Variants in MORN1 observed in about 807,000 individuals in gnomAD.
MORN1 encodes MORN repeat containing 1, also known as MORN repeat-containing protein 1.
A neutral mutation model predicts 61.9 loss-of-function variants in MORN1; 67 were observed. That is an observed-to-expected ratio of 1.08 (90% CI 0.89 to 1.33). The LOEUF (loss-of-function observed/expected upper bound fraction) is 1.33, where lower values mean the gene tolerates loss of function less well. Among genes scored for constraint, MORN1 ranks in the 40% most tolerant of loss-of-function variants. MORN1 has a pLI of 0.00. For synonymous variants in MORN1, 301 were observed against 292.0 expected (o/e 1.03, Z -0.31); for missense variants, 752 against 691.2 (o/e 1.09, Z -0.99).
At chr1:2,390,322 G>T in intron 1 of MORN1, 1 of 743,944 alleles carries the variant, frequency 1.3e-6, no homozygotes, top group South Asian at 6.0e-5. Flanking sequence ...CAGGTTGGGA[G>T]CCTTGTTGCA....
intron 8 of MORN1, among the ~76,000 whole-genome samples, chr1:2,368,770 G>A (rs1468926586): frequency 1.3e-5 from 2 of 152,102 alleles, no homozygotes; most frequent in East Asian, 3.9e-4. Context: ...ACATCCAAAA[G>A]ACAGACAGGC....
intron 10 of MORN1, among the ~76,000 whole-genome samples, chr1:2,340,217 T>C (rs1428124066): frequency 1.3e-5 from 2 of 152,066 alleles, no homozygotes; most frequent in Non-Finnish European, 2.9e-5. Flanking sequence ...CCTCTTTGGG[T>C]GGTCACCTCG....
At chr1:2,332,914 G>A (rs554434391) in intron 12 of MORN1, among the ~76,000 whole-genome samples, 6 of 152,262 alleles carry the variant, frequency 3.9e-5, no homozygotes, top group South Asian at 2.1e-4. Flanking sequence ...CTGGGGCTCC[G>A]TGACCTCCAT....
chr1:2,362,690 G>A (rs1048187485), intron 8 of MORN1, among the ~76,000 whole-genome samples: 4 of 152,106 alleles, frequency 2.6e-5, no homozygotes, highest in Non-Finnish European at 2.9e-5. Flanking sequence ...GCCAAACCCT[G>A]TCTCTACTAA....
chr1:2,331,907 GCCTCTCCC>G (rs1641162027), intron 12 of MORN1, among the ~76,000 whole-genome samples: 1 of 115,756 alleles, frequency 8.6e-6, no homozygotes, highest in Non-Finnish European at 1.7e-5. Flanking sequence ...TCCCTCGTGC[GCCTCTCCC>G]GCCCCTGCGC....
intron 8 of MORN1, among the ~76,000 whole-genome samples, chr1:2,365,036 T>A (rs982691641): frequency 5.9e-5 from 9 of 152,316 alleles, no homozygotes; most frequent in Admixed American, 4.6e-4. Context: ...ATTGACTTGG[T>A]GATGCAGGCT....
At chr1:2,364,909 C>T (rs1373304931) in intron 8 of MORN1, among the ~76,000 whole-genome samples, 1 of 152,104 alleles carries the variant, frequency 6.6e-6, no homozygotes, top group African/African-American at 2.4e-5. Context: ...TGCTCTGTTC[C>T]ATTGATCTAT....
chr1:2,329,389 C>T (rs895623691), intron 12 of MORN1, among the ~76,000 whole-genome samples: 4 of 152,346 alleles, frequency 2.6e-5, no homozygotes, highest in African/African-American at 7.2e-5. Flanking sequence ...TGAACTCCCA[C>T]CTGGAGGCGC....
chr1:2,389,140 C>T (rs1196508941), intron 2 of MORN1, among the ~76,000 whole-genome samples: 2 of 139,072 alleles, frequency 1.4e-5, no homozygotes, highest in African/African-American at 5.1e-5. Flanking sequence ...AAAAAAGAAA[C>T]AAAACTGGCA....
At chr1:2,369,475 G>C (rs1399506267) in intron 8 of MORN1, among the ~76,000 whole-genome samples, 8 of 151,686 alleles carry the variant, frequency 5.3e-5, no homozygotes, top group Admixed American at 5.3e-4. Flanking sequence ...TTCATGTTCA[G>C]ACTGAAAAGG....
chr1:2,387,641 C>T (rs1181401719), intron 3 of MORN1, 112 bp from the exon 4 acceptor site: 11 of 740,380 alleles, frequency 1.5e-5, no homozygotes, highest in East Asian at 2.6e-5. Context: ...CCAGAATGGA[C>T]GTCCCTGCCT....
At chr1:2,341,468 G>A (rs977370104) in intron 10 of MORN1, among the ~76,000 whole-genome samples, 9 of 152,248 alleles carry the variant, frequency 5.9e-5, no homozygotes, top group Middle Eastern at 3.4e-3. Flanking sequence ...CAAAGCAGGC[G>A]GATCAGGAGG....
intron 6 of MORN1, among the ~76,000 whole-genome samples, chr1:2,379,972 C>G (rs1267968686): frequency 6.6e-6 from 1 of 152,202 alleles, no homozygotes; most frequent in Non-Finnish European, 1.5e-5. Context: ...GGAGGGGAAG[C>G]CTCCCCAGAG....
At chr1:2,325,015 G>C (rs565603625) in intron 12 of MORN1, among the ~76,000 whole-genome samples, 110 of 151,554 alleles carry the variant, frequency 7.3e-4, no homozygotes, top group Non-Finnish European at 9.9e-4. Context: ...CTGCAAGGAC[G>C]AGGGGCTGGC....
chr1:2,322,602 G>A (rs1263770644), intron 13 of MORN1: 25 of 985,222 alleles, frequency 2.5e-5, no homozygotes, highest in African/African-American at 8.7e-5. Context: ...GGGGACACAC[G>A]TTCTGCAACC....
At chr1:2,345,214 G>A (rs963976684) in intron 10 of MORN1, among the ~76,000 whole-genome samples, 7 of 152,266 alleles carry the variant, frequency 4.6e-5, no homozygotes, top group Non-Finnish European at 8.8e-5. Flanking sequence ...GCACAGGCAT[G>A]GGCGGTCCCC....
intron 12 of MORN1, among the ~76,000 whole-genome samples, chr1:2,325,027 C>T (rs895616343): frequency 2.0e-5 from 3 of 151,458 alleles, no homozygotes; most frequent in Non-Finnish European, 4.4e-5. Flanking sequence ...GGGGCTGGCT[C>T]TGTGTGGACA....
At chr1:2,328,502 A>C (rs1409822869) in intron 12 of MORN1, among the ~76,000 whole-genome samples, 1 of 152,138 alleles carries the variant, frequency 6.6e-6, no homozygotes, top group Non-Finnish European at 1.5e-5. Flanking sequence ...GGAAGACACA[A>C]TCAGGAGGAA....
At chr1:2,382,301 G>C (rs921288371) in intron 6 of MORN1, among the ~76,000 whole-genome samples, 2 of 152,190 alleles carry the variant, frequency 1.3e-5, no homozygotes, top group Non-Finnish European at 2.9e-5. Flanking sequence ...GTGGCTGGGG[G>C]CCCCCAGGGC....
Sources: gnomAD v4.1 joint callset for allele counts (sites outside exome capture counted in the v4.1 genomes callset) on GRCh38, gnomAD v4.1.1 for gene constraint, MANE v1.5 for transcripts, NCBI Gene and HGNC (gene_info 2026-07-23, HGNC 2026-07-21) for gene names.